Variants in LRBA observed in about 807,000 individuals in gnomAD.
LRBA encodes the protein LPS responsive beige-like anchor protein, also known as lipopolysaccharide-responsive and beige-like anchor protein.
LRBA carries 176 observed loss-of-function variants against 330.0 expected under a neutral mutation model. The ratio of observed to expected loss-of-function variants is 0.53; its 90% CI spans 0.47 to 0.60. The LOEUF is 0.60. Ranked by LOEUF, LRBA falls within the 20% of genes least tolerant of loss-of-function variation. LRBA has a pLI of 0.00. For synonymous variants in LRBA, 1,230 were observed against 1,193.0 expected (o/e 1.03, Z -0.64); for missense variants, 3,259 against 3,444.8 (o/e 0.95, Z 1.35).
intron 47 of LRBA, among the ~76,000 whole-genome samples, chr4:150,394,844 T>C (rs13152380): frequency 0.36 from 54,424 of 152,040 alleles, 11,686 homozygotes; most frequent in South Asian, 0.51. Flanking sequence ...GGGGAGCAGG[T>C]GGTCTGTAGG....
intron 34 of LRBA, among the ~76,000 whole-genome samples, chr4:150,771,799 C>T (rs1244945596): frequency 6.6e-6 from 1 of 152,166 alleles, no homozygotes; most frequent in Non-Finnish European, 1.5e-5. Flanking sequence ...CCATCCCTGC[C>T]ACCATGGCCA....
chr4:150,271,673 G>A (rs1746118390), intron 56 of LRBA, among the ~76,000 whole-genome samples: 1 of 151,990 alleles, frequency 6.6e-6, no homozygotes, highest in East Asian at 1.9e-4. Flanking sequence ...CTTGGTGGGG[G>A]GAGGAGCGTC....
chr4:150,463,105 A>T (rs1754986354), intron 44 of LRBA, among the ~76,000 whole-genome samples: 1 of 151,964 alleles, frequency 6.6e-6, no homozygotes, highest in African/African-American at 2.4e-5. Flanking sequence ...TATTTCACTA[A>T]ATGCAGTTGA....
At chr4:150,271,854 C>A (rs1156261736) in intron 56 of LRBA, among the ~76,000 whole-genome samples, 1 of 152,196 alleles carries the variant, frequency 6.6e-6, no homozygotes, top group Admixed American at 6.5e-5. Context: ...AAGGCAGCAG[C>A]CCCAGTTAGG....
chr4:150,720,793 CTCTTA>C (rs980743624), intron 36 of LRBA, among the ~76,000 whole-genome samples: 1 of 152,076 alleles, frequency 6.6e-6, no homozygotes, highest in Non-Finnish European at 1.5e-5. Flanking sequence ...AACCATATTC[CTCTTA>C]AAGAATTTTT....
In LRBA at chr4:150,867,653, T is replaced by C; in HGVS notation, c.2766+18A>G. 2 of 1,580,570 alleles carry C rather than the reference T, an allele frequency of 1.3e-6. No homozygotes were observed. Reference sequence around the variant, plus strand: ...AGATATTTAAAATGCTACAATACGCTTTCATAAAGAAACTTACCTTTGAAT... The same window carrying C: ...AGATATTTAAAATGCTACAATACGCCTTCATAAAGAAACTTACCTTTGAAT... On this transcript the variant is annotated intron_variant, in intron 22 of 56. Transcript: ENST00000651943.
intron 48 of LRBA, among the ~76,000 whole-genome samples, chr4:150,349,583 C>T (rs896246133): frequency 6.6e-6 from 1 of 152,128 alleles, no homozygotes; most frequent in Non-Finnish European, 1.5e-5. Flanking sequence ...CCCCCATTAA[C>T]TTCTATGTGG....
intron 47 of LRBA, among the ~76,000 whole-genome samples, chr4:150,408,836 C>A (rs1435165094): frequency 6.6e-6 from 1 of 151,874 alleles, no homozygotes; most frequent in Non-Finnish European, 1.5e-5. Context: ...CATAGAAATT[C>A]TCCTGTATTA....
intron 2 of LRBA, among the ~76,000 whole-genome samples, chr4:150,937,516 G>T (rs969404135): frequency 4.6e-5 from 7 of 152,010 alleles, no homozygotes; most frequent in African/African-American, 1.7e-4. Context: ...TTTTATGGTT[G>T]TATTTTTTTG....
chr4:150,292,941 A>T (rs1728509598), intron 53 of LRBA, among the ~76,000 whole-genome samples: 3 of 152,138 alleles, frequency 2.0e-5, no homozygotes, highest in Admixed American at 6.5e-5. Flanking sequence ...CATTAGTAAA[A>T]ATGTATCATC....
At chr4:150,499,305 G>T (rs1325128474) in intron 40 of LRBA, among the ~76,000 whole-genome samples, 1 of 151,926 alleles carries the variant, frequency 6.6e-6, no homozygotes, top group Non-Finnish European at 1.5e-5. Flanking sequence ...TTCTCAAAAA[G>T]TTGTGACAAT....
At chr4:151,010,206 T>C (rs1160184831) in intron 2 of LRBA, among the ~76,000 whole-genome samples, 2 of 152,110 alleles carry the variant, frequency 1.3e-5, no homozygotes, top group African/African-American at 4.8e-5. Context: ...CATGAAAGTA[T>C]GTATTTGTCA....
rs1758051023 is a variant in LRBA at position 150,487,721 on chromosome 4, T to C, written c.6551+11A>G. ...CTTTACTTTCCCTAAGTTTCTCATA[T>C]AAAACAGTACCTGGTTTGAGGCAAT... On this transcript the variant is annotated intron_variant, in intron 42 of 56. Transcript: ENST00000651943. The C allele has an allele frequency of 6.4e-7, 1 of 1,550,824 alleles. No individual in the cohort carries two copies. Among genetic ancestry groups the C allele is most frequent in the South Asian group, 1.2e-5 (1 of 85,516 alleles).
At chr4:150,943,325 T>A (rs1476697430) in intron 2 of LRBA, among the ~76,000 whole-genome samples, 2 of 152,198 alleles carry the variant, frequency 1.3e-5, no homozygotes. Context: ...CTCACTATGT[T>A]GGCCAGGCTG....
rs1211270915 is a variant in LRBA, at chr4:150,831,045, G to A, written c.4729+772C>T. On this transcript the variant is annotated intron_variant, in intron 29 of 56. Transcript: ENST00000651943. ...TTCCCAAAGTGCTGGGATTACTGGC[G>A]TGAACTACCAAGCCCAGCCCAGAGG... 6.6e-5 allele frequency among the ~76,000 whole-genome samples: 10 copies of A among 152,040 alleles called. No individual in the cohort carries two copies. In the East Asian group the frequency reaches 1.7e-3, roughly 26 times the overall value.
At chr4:150,294,780 T>C (rs1470250238) in intron 53 of LRBA, among the ~76,000 whole-genome samples, 3 of 152,252 alleles carry the variant, frequency 2.0e-5, no homozygotes, top group East Asian at 3.9e-4. Flanking sequence ...TGAAACCCTG[T>C]CTCTACTAAA....
rs1285957601 is a variant in LRBA at position 150,683,621 on chromosome 4, T to G, written c.5851A>C (p.Thr1951Pro). 2.5e-6 allele frequency: 4 copies of G among 1,613,556 alleles called. No homozygotes were observed. The highest frequency in any genetic ancestry group is 3.4e-6 in the Non-Finnish European group (4 of 1,179,544). The change falls in exon 37 of 57, where the codon ACT (threonine) becomes CCT (proline). Residue 1951 changes from threonine (T) to proline (P), a missense_variant. Coordinates refer to ENST00000651943, the MANE Select transcript of LRBA (RefSeq NM_001364905.1). Reference sequence around the variant, plus strand: ...TTGATAATTTTCTGGATTAGTTGAGTTGCTGTCACGTGGTCACGATATTTT... The same window carrying G: ...TTGATAATTTTCTGGATTAGTTGAGGTGCTGTCACGTGGTCACGATATTTT... ...AAKYRDHVTATQLIQKIINIL... is the reference protein window; with the variant it reads ...AAKYRDHVTAPQLIQKIINIL...
intron 2 of LRBA, among the ~76,000 whole-genome samples, chr4:150,932,924 A>G (rs905612485): frequency 6.6e-5 from 10 of 152,152 alleles, no homozygotes; most frequent in Non-Finnish European, 1.2e-4. Context: ...TCAAAACAAA[A>G]AAAAGAAAAA....
chr4:150,585,643 G>A (rs892566584), intron 40 of LRBA, among the ~76,000 whole-genome samples: 1 of 152,116 alleles, frequency 6.6e-6, no homozygotes, highest in Non-Finnish European at 1.5e-5. Flanking sequence ...TACTCCATTC[G>A]CTATGCTAAT....
Sources: allele counts gnomAD v4.1 joint callset (sites outside exome capture counted in the v4.1 genomes callset), GRCh38; gene constraint gnomAD v4.1.1; transcripts MANE v1.5; gene names NCBI Gene and HGNC (gene_info 2026-07-23, HGNC 2026-07-21).